Variants in HS6ST3 observed in about 807,000 individuals in gnomAD.
HS6ST3 encodes heparan sulfate 6-O-sulfotransferase 3.
A neutral mutation model predicts 36.7 loss-of-function variants in HS6ST3; 12 were observed. The observed-to-expected ratio is 0.33, with a 90% CI of 0.21 to 0.53. HS6ST3 has a LOEUF of 0.53. Ranked by LOEUF, HS6ST3 falls within the 20% of genes least tolerant of loss-of-function variation. HS6ST3 has a pLI of 0.95. For synonymous variants in HS6ST3, 240 were observed against 257.5 expected (o/e 0.93, Z 0.65); for missense variants, 584 against 640.9 (o/e 0.91, Z 0.96).
At chr13:96,428,658 C>T (rs1385068520) in intron 1 of HS6ST3, among the ~76,000 whole-genome samples, 1 of 152,078 alleles carries the variant, frequency 6.6e-6, no homozygotes, top group Non-Finnish European at 1.5e-5. Context: ...ATGTCAGGTA[C>T]AAGGAGATAG....
chr13:96,356,657 T>C (rs2055211815), intron 1 of HS6ST3, among the ~76,000 whole-genome samples: 1 of 152,204 alleles, frequency 6.6e-6, no homozygotes, highest in African/African-American at 2.4e-5. Flanking sequence ...TCATCCACGC[T>C]TTTTTGTTCC....
At chr13:96,183,046 A>G (rs138149835) in intron 1 of HS6ST3, among the ~76,000 whole-genome samples, 91 of 152,384 alleles carry the variant, frequency 6.0e-4, no homozygotes, top group African/African-American at 2.2e-3. Context: ...AGATGGCAGT[A>G]GAAACTAACA....
intron 1 of HS6ST3, among the ~76,000 whole-genome samples, chr13:96,412,976 T>C (rs2055515572): frequency 6.6e-6 from 1 of 152,106 alleles, no homozygotes; most frequent in South Asian, 2.1e-4. Context: ...GTGATGTCCC[T>C]TCTTTCCACT....
At chr13:96,117,096 G>A (rs1242067866) in intron 1 of HS6ST3, among the ~76,000 whole-genome samples, 1 of 152,134 alleles carries the variant, frequency 6.6e-6, no homozygotes, top group Non-Finnish European at 1.5e-5. Context: ...TTAAGATTGT[G>A]AAATAAAATT....
rs537115144 is a variant in HS6ST3, at chr13:96,729,854, GT to G, written c.708-102634del. Among the ~76,000 whole-genome samples the G allele has an allele frequency of 6.1e-3, 929 of 152,262 alleles. 10 individuals carry two copies. Among genetic ancestry groups the G allele is most frequent in the African/African-American group, 0.021 (863 of 41,554 alleles). On this transcript the variant is annotated intron_variant, in intron 1 of 1. Coordinates refer to ENST00000376705, the MANE Select transcript of HS6ST3 (RefSeq NM_153456.4). Reference sequence around the variant, plus strand: ...CTCAAAACACCACAAAATATTATTAGTTCATTTGGATAGCAATTGGCTTTCC... The same window carrying G: ...CTCAAAACACCACAAAATATTATTAGTCATTTGGATAGCAATTGGCTTTCC...
intron 1 of HS6ST3, among the ~76,000 whole-genome samples, chr13:96,219,613 A>C (rs983348931): frequency 6.6e-6 from 1 of 152,068 alleles, no homozygotes; most frequent in Non-Finnish European, 1.5e-5. Flanking sequence ...TTCTTTCAAC[A>C]TGGCATGTTG....
intron 1 of HS6ST3, among the ~76,000 whole-genome samples, chr13:96,181,750 A>G (rs2054240998): frequency 6.6e-6 from 1 of 152,168 alleles, no homozygotes; most frequent in Non-Finnish European, 1.5e-5. Flanking sequence ...GATTGAGCGT[A>G]TTTGGGAGTT....
chr13:96,498,001 G>T (rs1301391309), intron 1 of HS6ST3, among the ~76,000 whole-genome samples: 1 of 152,152 alleles, frequency 6.6e-6, no homozygotes, highest in African/African-American at 2.4e-5. Context: ...GAATACAGAT[G>T]GTTATATACC....
At chr13:96,341,563 A>C (rs1333127462) in intron 1 of HS6ST3, among the ~76,000 whole-genome samples, 1 of 152,136 alleles carries the variant, frequency 6.6e-6, no homozygotes, top group Non-Finnish European at 1.5e-5. Context: ...CTGGGGATCT[A>C]CAGTAATGTG....
intron 1 of HS6ST3, among the ~76,000 whole-genome samples, chr13:96,409,710 A>T (rs186648175): frequency 2.6e-5 from 4 of 152,346 alleles, no homozygotes; most frequent in Non-Finnish European, 5.9e-5. Flanking sequence ...ATCTTAAAGC[A>T]GTCTGCAAGC....
At chr13:96,517,583 G>A (rs1421441977) in intron 1 of HS6ST3, among the ~76,000 whole-genome samples, 1 of 151,794 alleles carries the variant, frequency 6.6e-6, no homozygotes, top group Non-Finnish European at 1.5e-5. Flanking sequence ...TTTAGGTGTC[G>A]GCTACATTTT....
At chr13:96,664,245 G>A (rs1467060107) in intron 1 of HS6ST3, among the ~76,000 whole-genome samples, 1 of 152,172 alleles carries the variant, frequency 6.6e-6, no homozygotes, top group African/African-American at 2.4e-5. Flanking sequence ...CATGCTGTGT[G>A]TATGTAAGAA....
At chr13:96,405,643 AT>A (rs538502523) in intron 1 of HS6ST3, among the ~76,000 whole-genome samples, 2 of 152,254 alleles carry the variant, frequency 1.3e-5, no homozygotes, top group South Asian at 2.1e-4. Flanking sequence ...TATTTTCTAT[AT>A]TTTTTGCTGA....
At chr13:96,593,191 T>TA (rs1280414443) in intron 1 of HS6ST3, among the ~76,000 whole-genome samples, 1 of 113,202 alleles carries the variant, frequency 8.8e-6, no homozygotes, top group Non-Finnish European at 1.8e-5. Flanking sequence ...TTTTTTTTTT[T>TA]TTTTTTTTTT....
chr13:96,336,172 A>T (rs1174329980), intron 1 of HS6ST3, among the ~76,000 whole-genome samples: 1 of 152,172 alleles, frequency 6.6e-6, no homozygotes, highest in Non-Finnish European at 1.5e-5. Context: ...ATAGGTGCTT[A>T]AAAAAGGACA....
At chr13:96,342,497 AT>A (rs2055135847) in intron 1 of HS6ST3, among the ~76,000 whole-genome samples, 1 of 152,302 alleles carries the variant, frequency 6.6e-6, no homozygotes, top group South Asian at 2.1e-4. Context: ...TCTGTCGCAC[AT>A]TTGTTTGAAC....
intron 1 of HS6ST3, among the ~76,000 whole-genome samples, chr13:96,442,180 C>A (rs1209014393): frequency 2.0e-5 from 3 of 151,956 alleles, no homozygotes. Flanking sequence ...CACAACCATA[C>A]CCAACTAATT....
intron 1 of HS6ST3, among the ~76,000 whole-genome samples, chr13:96,463,285 G>A (rs536351687): frequency 8.5e-5 from 13 of 152,050 alleles, no homozygotes; most frequent in Non-Finnish European, 1.2e-4. Context: ...CTAGAACCAC[G>A]GAGTAAAATG....
At chr13:96,688,659 C>T (rs1799899758) in intron 1 of HS6ST3, among the ~76,000 whole-genome samples, 1 of 152,058 alleles carries the variant, frequency 6.6e-6, no homozygotes, top group South Asian at 2.1e-4. Context: ...ACTTATGAAT[C>T]TGTCAGTTGT....
Sources: allele counts gnomAD v4.1 joint callset (sites outside exome capture counted in the v4.1 genomes callset), GRCh38; gene constraint gnomAD v4.1.1; transcripts MANE v1.5; gene names NCBI Gene and HGNC (gene_info 2026-07-23, HGNC 2026-07-21).